The following SCRN1 variants were observed in gnomAD, a reference collection of about 807,000 sequenced individuals.
SCRN1 encodes the protein secernin 1.
A neutral mutation model predicts 43.3 loss-of-function variants in SCRN1; 19 were observed. The observed-to-expected ratio is 0.44, with a 90% CI of 0.31 to 0.64. The LOEUF is 0.64. Ranked by LOEUF, SCRN1 falls within the 30% of genes least tolerant of loss-of-function variation. The pLI, the probability that SCRN1 is intolerant of heterozygous loss-of-function variation, is 0.09. For missense variants in SCRN1, 447 were observed against 524.1 expected (o/e 0.85, Z 1.44); for synonymous variants, 183 against 188.9 (o/e 0.97, Z 0.26).
chr7:29,982,278 T>C (rs1314491752), intron 1 of SCRN1, among the ~76,000 whole-genome samples: 1 of 152,196 alleles, frequency 6.6e-6, no homozygotes, highest in Non-Finnish European at 1.5e-5. Context: ...CTTAATAACA[T>C]GCTAAGTCAT....
rs368257608 is a variant in SCRN1 at position 29,936,845 on chromosome 7, G to A, written c.740-124C>T. On this transcript the variant is annotated intron_variant, in intron 5 of 7. Transcript: ENST00000242059. ...GCGGATCACGAGGTCAGGAGATCGC[G>A]ACCATCCTGCATAACACGGTGAAAC... is the stretch of plus-strand genomic sequence containing the variant. The A allele has an allele frequency of 9.4e-6, 6 of 637,460 alleles. No homozygotes were observed. In the East Asian group the frequency reaches 1.3e-4, roughly 14 times the overall value. 39.5% of individuals were successfully genotyped at this position (637,460 alleles called of 1,614,324 possible).
At position 29,923,717 on chromosome 7, in the gene SCRN1, C is replaced by A. The variant is rs1053133017; in HGVS notation, c.*240G>T. ...TAGCAGCTTAAAATCCACAATTAGT[C>A]ACACAACCGAACAACAGGCAACGGG... On this transcript the variant is annotated 3_prime_UTR_variant, in exon 8 of 8. Transcript: ENST00000242059. The A allele has an allele frequency of 2.4e-5, 10 of 421,736 alleles. No homozygotes were observed. The highest frequency in any genetic ancestry group is 1.6e-4 in the African/African-American group (8 of 50,212). The allele number at this position is 421,736 out of a possible 1,614,324, so 26.1% of individuals were successfully genotyped here.
At chr7:29,959,214 T>C (rs1788229195) in intron 2 of SCRN1, among the ~76,000 whole-genome samples, 3 of 152,248 alleles carry the variant, frequency 2.0e-5, no homozygotes, top group African/African-American at 4.8e-5. Context: ...GTACTCAAGA[T>C]GGTGAACACA....
At chr7:29,980,651 G>T (rs1788967612) in intron 1 of SCRN1, among the ~76,000 whole-genome samples, 1 of 152,136 alleles carries the variant, frequency 6.6e-6, no homozygotes, top group Non-Finnish European at 1.5e-5. Flanking sequence ...TGTAAATCTT[G>T]CTGGTCCAAA....
chr7:29,949,131 T>C (rs1420082614), intron 3 of SCRN1, among the ~76,000 whole-genome samples: 3 of 151,676 alleles, frequency 2.0e-5, no homozygotes, highest in African/African-American at 4.8e-5. Flanking sequence ...CTGGCTAACA[T>C]GGTGAAATCC....
chr7:29,933,990 A>C lies in SCRN1; in HGVS notation c.905+2566T>G, dbSNP rs1288324131. Among the ~76,000 whole-genome samples the C allele has an allele frequency of 2.6e-5, 4 of 152,230 alleles. No homozygotes were observed. In the East Asian group the frequency reaches 7.7e-4, roughly 29 times the overall value. On this transcript the variant is annotated intron_variant, in intron 6 of 7. Transcript: ENST00000242059. ...CCTAACTTTCTTGCCTAAAAACCTA[A>C]CAAAAGGTAATTATGTTTCTTGCTG...
intron 1 of SCRN1, among the ~76,000 whole-genome samples, chr7:29,981,878 T>C (rs1208625456): frequency 6.6e-6 from 1 of 152,214 alleles, no homozygotes; most frequent in Non-Finnish European, 1.5e-5. Context: ...GCCTAAGCGA[T>C]GTTGAGAAGA....
At chr7:29,928,592 A>G (rs917107154) in intron 6 of SCRN1, among the ~76,000 whole-genome samples, 21 of 152,262 alleles carry the variant, frequency 1.4e-4, no homozygotes, top group African/African-American at 5.1e-4. Context: ...ATAATTGGAG[A>G]CTGGGCCCAT....
At chr7:29,981,240 G>A (rs1788984258) in intron 1 of SCRN1, among the ~76,000 whole-genome samples, 1 of 151,604 alleles carries the variant, frequency 6.6e-6, no homozygotes, top group South Asian at 2.1e-4. Context: ...AAGATACTCA[G>A]GAAAGCTTTT....
intron 2 of SCRN1, among the ~76,000 whole-genome samples, chr7:29,963,948 T>C (rs1788409248): frequency 6.6e-6 from 1 of 152,228 alleles, no homozygotes; most frequent in Non-Finnish European, 1.5e-5. Context: ...CATAATGTGC[T>C]GCATTCACAC....
intron 6 of SCRN1, among the ~76,000 whole-genome samples, chr7:29,929,300 G>A (rs140293326): frequency 8.5e-5 from 13 of 152,224 alleles, no homozygotes; most frequent in Admixed American, 3.9e-4. Context: ...TAGGCTTCAC[G>A]GTGGAACTGG....
chr7:29,929,811 C>T (rs1195200067), intron 6 of SCRN1, among the ~76,000 whole-genome samples: 2 of 152,220 alleles, frequency 1.3e-5, no homozygotes, highest in East Asian at 3.8e-4. Context: ...CTTCAGTAAG[C>T]TCATGCTAAC....
intron 3 of SCRN1, among the ~76,000 whole-genome samples, chr7:29,945,902 A>G (rs1306983702): frequency 2.0e-5 from 3 of 152,224 alleles, no homozygotes; most frequent in East Asian, 3.8e-4. Context: ...TGGTGCTACT[A>G]CAATGGTGGT....
chr7:29,941,495 A>G (rs1787553248), intron 4 of SCRN1, among the ~76,000 whole-genome samples: 1 of 152,248 alleles, frequency 6.6e-6, no homozygotes, highest in African/African-American at 2.4e-5. Context: ...ATTGTTTTAA[A>G]ATAATTGAAT....
intron 3 of SCRN1, 74 bp from the exon 4 acceptor site, chr7:29,944,253 G>C: frequency 7.3e-7 from 1 of 1,362,682 alleles, no homozygotes; most frequent in Non-Finnish European, 1.0e-6. Context: ...ACCAAAGACT[G>C]GGCAAGGCCG....
intron 1 of SCRN1, chr7:29,969,983 C>T (rs1372781341): frequency 2.4e-6 from 1 of 413,092 alleles, no homozygotes; most frequent in Non-Finnish European, 4.9e-6. Context: ...TCTATGGAAA[C>T]CTCCCACTCC....
In SCRN1 at chr7:29,944,040, C is replaced by A; in HGVS notation, c.481G>T (p.Asp161Tyr). 1 of 1,614,244 alleles carries A rather than the reference C, an allele frequency of 6.2e-7. No individual in the cohort carries two copies. The highest frequency in any genetic ancestry group is 1.3e-5 in the African/African-American group (1 of 75,044). The part of the protein sequence containing the change: ...HSFQSAYLIV[D>Y]RDEAWVLETI... ...TCGAGCACCCAGGCTTCATCACGAT[C>A]CACAATCAGATATGCACTTTGGAAG... The change falls in exon 4 of 8, where the codon GAT becomes TAT. Residue 161 changes from aspartate to tyrosine, a missense_variant. Asp to Tyr is a radical substitution (Grantham distance 160). Transcript: ENST00000242059.
intron 2 of SCRN1, among the ~76,000 whole-genome samples, chr7:29,958,568 T>C (rs1583678000): frequency 6.6e-6 from 1 of 152,128 alleles, no homozygotes; most frequent in South Asian, 2.1e-4. Context: ...CAAAAACAAT[T>C]TAGTTCCCCA....
upstream of SCRN1, chr7:29,989,901 G>T: frequency 3.0e-6 from 3 of 1,004,390 alleles, no homozygotes; most frequent in Non-Finnish European, 3.6e-6. Context: ...GGGCCCCGCC[G>T]CACCCCGCGC....
Sources: allele counts gnomAD v4.1 joint callset (sites outside exome capture counted in the v4.1 genomes callset), GRCh38; gene constraint gnomAD v4.1.1; transcripts MANE v1.5; gene names NCBI Gene and HGNC (gene_info 2026-07-23, HGNC 2026-07-21).